Variants in PPM1A observed in about 807,000 individuals in gnomAD.
PPM1A encodes the protein protein phosphatase, Mg2+/Mn2+ dependent 1A.
In PPM1A, 7 loss-of-function variants were observed where a neutral mutation model predicts 35.0. The observed-to-expected ratio is 0.20, with a 90% CI of 0.11 to 0.38. The LOEUF is 0.38. PPM1A is among the 10% of genes least tolerant of loss of function. The pLI, the probability that PPM1A is intolerant of heterozygous loss-of-function variation, is 1.00. For synonymous variants in PPM1A, 153 were observed against 167.3 expected (o/e 0.91, Z 0.66); for missense variants, 239 against 467.8 (o/e 0.51, Z 4.51).
chr14:60,249,474 A>C lies in PPM1A; in HGVS notation c.-224A>C. 1 of 985,106 alleles carries C rather than the reference A, an allele frequency of 1.0e-6. No individual in the cohort carries two copies. Among genetic ancestry groups the C allele is most frequent in the Non-Finnish European group, 1.2e-6 (1 of 830,224 alleles). 61.0% of individuals were successfully genotyped at this position (985,106 alleles called of 1,614,324 possible). On this transcript the variant is annotated 5_prime_UTR_variant, in exon 1 of 6. It removes the in-frame stop codon of an upstream open reading frame in the 5' UTR. Transcript: ENST00000395076. The surrounding 1 kb of genome is among the most constrained non-coding windows in gnomAD (Gnocchi z 4.5). ...CCCTCTCCAACGCCCGGATGATCTG[A>C]GCCGCGAGGGCGCCGACAGCCGGGG...
intron 1 of PPM1A, among the ~76,000 whole-genome samples, chr14:60,278,498 C>T (rs1309224631): frequency 6.6e-6 from 1 of 152,188 alleles, no homozygotes; most frequent in Non-Finnish European, 1.5e-5. Context: ...GTCCAGGAAA[C>T]ACCACCTGCA....
chr14:60,285,533 G>A (rs535083862), intron 2 of PPM1A, 91 bp from the exon 3 acceptor site: 1 of 1,314,040 alleles, frequency 7.6e-7, no homozygotes, highest in African/African-American at 1.5e-5. Context: ...ACTAGAACAA[G>A]TATAACTGTA....
chr14:60,246,055 G>C, upstream of PPM1A: 1 of 1,566,950 alleles, frequency 6.4e-7, no homozygotes, highest in Non-Finnish European at 8.6e-7. Context: ...AGGTAGTGAG[G>C]GAGGAAGGAA....
intron 1 of PPM1A, among the ~76,000 whole-genome samples, chr14:60,255,165 TTTTTTTTTGTTTTGTTTTG>T (rs1190521659): frequency 9.4e-6 from 1 of 106,514 alleles, no homozygotes; most frequent in Non-Finnish European, 1.7e-5. Context: ...ATATGTTTTT[TTTTTTTTTGTTTTGTTTTG>T]TTTTTGAGAC....
At position 60,282,337 on chromosome 14, in the gene PPM1A, A is replaced by G. The variant is rs143157305; in HGVS notation, c.-20-347A>G. On this transcript the variant is annotated intron_variant, in intron 1 of 5. Coordinates refer to ENST00000395076, the MANE Select transcript of PPM1A (RefSeq NM_021003.5). The surrounding 1 kb of genome is among the most constrained non-coding windows in gnomAD (Gnocchi z 5.1). ...ATTCGTTTGGCTTTTCTTAATTGAT[A>G]TACATACAACTTAGTCCTGAGCTTA... is the stretch of plus-strand genomic sequence containing the variant. Among the ~76,000 whole-genome samples the G allele has an allele frequency of 2.0e-3, 299 of 152,358 alleles. 1 individual carries two copies. The highest frequency in any genetic ancestry group is 6.7e-3 in the African/African-American group (278 of 41,582).
chr14:60,256,730 C>T (rs1452821431), intron 1 of PPM1A: 1 of 152,248 alleles, frequency 6.6e-6, no homozygotes, highest in African/African-American at 2.4e-5. Context: ...CTACCTATAT[C>T]TTAACAGATG....
At position 60,283,581 on chromosome 14, in the gene PPM1A, A is replaced by G. The variant is rs751124112; in HGVS notation, c.834+44A>G. ...AAAACATAAAATGATTTTATGCCAT[A>G]TTAATCACTACTCTAGTATTTAATC... is the stretch of plus-strand genomic sequence containing the variant. On this transcript the variant is annotated intron_variant, in intron 2 of 5. Coordinates refer to ENST00000395076, the MANE Select transcript of PPM1A (RefSeq NM_021003.5). The surrounding 1 kb of genome is among the most constrained non-coding windows in gnomAD (Gnocchi z 6.3). The G allele has an allele frequency of 2.6e-6, 4 of 1,533,550 alleles. No homozygotes were observed. The highest frequency in any genetic ancestry group is 4.5e-5 in the East Asian group (2 of 44,598). The allele number at this position is 1,533,550 out of a possible 1,614,324, so 95.0% of individuals were successfully genotyped here.
chr14:60,288,263 G>A lies in PPM1A; in HGVS notation c.953-1543G>A, dbSNP rs560768138. On this transcript the variant is annotated intron_variant, in intron 3 of 5. Transcript: ENST00000395076. The stretch of plus-strand genomic sequence containing the variant: ...TAATTTATATTTTAACAAAAGAGAT[G>A]TAAGATACATCAAATATAGATGATT... 3,287 of 964,692 alleles carry A rather than the reference G, an allele frequency of 3.4e-3. 4 individuals carry two copies. Among genetic ancestry groups the A allele is most frequent in the Non-Finnish European group, 3.8e-3 (3,109 of 811,134 alleles). The allele number at this position is 964,692 out of a possible 1,614,324, so 59.8% of individuals were successfully genotyped here.
intron 1 of PPM1A, among the ~76,000 whole-genome samples, chr14:60,252,626 A>G (rs887913398): frequency 2.0e-5 from 3 of 152,170 alleles, no homozygotes; most frequent in Non-Finnish European, 4.4e-5. Context: ...TCAAATAACA[A>G]ATTTTAAAAT....
At chr14:60,284,015 C>CT (rs1160258442) in intron 2 of PPM1A, among the ~76,000 whole-genome samples, 2 of 152,136 alleles carry the variant, frequency 1.3e-5, no homozygotes, top group Non-Finnish European at 2.9e-5. Context: ...TAGAAATAGC[C>CT]TTGTACATGG....
At chr14:60,259,157 C>T (rs939243919) in intron 1 of PPM1A, among the ~76,000 whole-genome samples, 4 of 152,066 alleles carry the variant, frequency 2.6e-5, no homozygotes, top group African/African-American at 7.2e-5. Context: ...TTGCATGTCA[C>T]AATTCATGAA....
intron 1 of PPM1A, among the ~76,000 whole-genome samples, chr14:60,251,042 A>G (rs1285812940): frequency 2.6e-5 from 4 of 152,250 alleles, no homozygotes; most frequent in Non-Finnish European, 4.4e-5. Context: ...TTCTTTACCA[A>G]TAAATAATTT....
intron 1 of PPM1A, among the ~76,000 whole-genome samples, chr14:60,281,874 A>C (rs1382774036): frequency 1.3e-5 from 2 of 152,196 alleles, no homozygotes; most frequent in African/African-American, 4.8e-5. Context: ...ATAATGGTAC[A>C]TGTTATTACT....
At chr14:60,271,857 C>T (rs1885169958) in intron 1 of PPM1A, among the ~76,000 whole-genome samples, 1 of 151,864 alleles carries the variant, frequency 6.6e-6, no homozygotes, top group Admixed American at 6.6e-5. Flanking sequence ...CCTAGGTATT[C>T]CTAGAACTTT....
intron 1 of PPM1A, chr14:60,276,873 T>G (rs1885824113): frequency 4.6e-6 from 1 of 216,084 alleles, no homozygotes; most frequent in Non-Finnish European, 9.1e-6. Flanking sequence ...GACTGAACAT[T>G]AATTAATGAC....
intron 1 of PPM1A, among the ~76,000 whole-genome samples, chr14:60,256,240 G>A (rs1883121799): frequency 6.6e-6 from 1 of 152,132 alleles, no homozygotes; most frequent in South Asian, 2.1e-4. Context: ...CCAACATGGT[G>A]AAACTTTGTC....
At position 60,297,543 on chromosome 14, in the gene PPM1A, A is replaced by G. The variant is rs548255260; in HGVS notation, c.*5061A>G. On this transcript the variant is annotated 3_prime_UTR_variant, in exon 6 of 6. Transcript: ENST00000395076. ...TTGCTCCAAAACCCAGTTTTCAACT[A>G]ATGGTTTTCTCATTAAACTAAATGT... 7.9e-5 allele frequency: 12 copies of G among 151,864 alleles called. No individual in the cohort carries two copies. In the South Asian group the frequency reaches 2.5e-3, roughly 31 times the overall value. The allele number at this position is 151,864 out of a possible 1,614,324, so 9.4% of individuals were successfully genotyped here. A position where few individuals can be genotyped will look rare whatever the true frequency, so the allele number is the denominator to read the frequency against.
At chr14:60,252,462 G>A (rs922848907) in intron 1 of PPM1A, among the ~76,000 whole-genome samples, 2 of 152,086 alleles carry the variant, frequency 1.3e-5, no homozygotes, top group Admixed American at 6.5e-5. Flanking sequence ...GCCACGGCAG[G>A]GTTTTATAAG....
chr14:60,268,480 G>A, intron 1 of PPM1A: 4 of 832,408 alleles, frequency 4.8e-6, no homozygotes, highest in Non-Finnish European at 5.8e-6. Context: ...AATTTTTTTA[G>A]TTAGACTATT....
Sources: allele counts gnomAD v4.1 joint callset (sites outside exome capture counted in the v4.1 genomes callset), GRCh38; gene constraint gnomAD v4.1.1; non-coding constraint Gnocchi (gnomAD v3.1); transcripts MANE v1.5; gene names NCBI Gene and HGNC (gene_info 2026-07-23, HGNC 2026-07-21).